CENPI: variants seen among roughly 807,000 people sequenced by gnomAD.
CENPI encodes centromere protein I.
In CENPI, 4 loss-of-function variants were observed where a neutral mutation model predicts 60.4. The observed-to-expected ratio is 0.07, with a 90% confidence interval of 0.03 to 0.15. CENPI has a LOEUF of 0.15. Among genes scored for constraint, CENPI ranks in the 10% least tolerant of loss-of-function variants. The pLI, the probability that CENPI is intolerant of heterozygous loss-of-function variation, is 1.00. For synonymous variants in CENPI, 157 were observed against 189.4 expected, an observed-to-expected ratio of 0.83 and a Z score of 1.40; for missense variants, 444 against 534.5, an observed-to-expected ratio of 0.83 and a Z score of 1.67.
intron 4 of CENPI, among the ~76,000 whole-genome samples, chrX:101,107,060 C>CAAA (rs777807842): frequency 3.2e-5 from 2 of 62,137 alleles, no homozygotes; most frequent in East Asian, 5.4e-4. Flanking sequence ...GACCCTGTCT[C>CAAA]AAAAAAAAAA....
At chrX:101,101,463 CA>C (rs1376048314) in intron 3 of CENPI, among the ~76,000 whole-genome samples, 167 bp downstream of exon 3, 3 of 111,530 alleles carry the variant, frequency 2.7e-5, no homozygotes, top group African/African-American at 9.8e-5. Flanking sequence ...GCACTAGGGA[CA>C]CAACAACAAA....
intron 2 of CENPI, chrX:101,099,976 A>G (rs2089395690): frequency 1.8e-5 from 2 of 109,184 alleles, no homozygotes; most frequent in Admixed American, 2.0e-4. Flanking sequence ...TTAAGTAGAG[A>G]CATTGTCTCA....
Position 101,109,532 on chromosome X carries a change from G to A in CENPI, c.424G>A (p.Asp142Asn). The A allele has an allele frequency of 1.7e-6, 2 of 1,210,976 alleles. No individual in the cohort carries two copies. The highest frequency in any genetic ancestry group is 2.2e-6 in the Non-Finnish European group (2 of 894,590). Residue 142 changes from aspartate to asparagine, a missense_variant, in exon 5 of 22, where the codon GAT becomes AAT. By Grantham distance (23) the Asp-to-Asn change is conservative. Transcript: ENST00000682095. The part of the protein sequence containing the change: ...CMIPATVISE[D>N]SVVKAVSWLC... ...GATCCCAGCAACAGTAATATCAGAAGATTCTGTGGTTAAGGCAGTCTCCTG... is the reference window on the plus strand; with the variant it reads ...GATCCCAGCAACAGTAATATCAGAAAATTCTGTGGTTAAGGCAGTCTCCTG...
chrX:101,111,018 C>G (rs1455482303), intron 6 of CENPI, among the ~76,000 whole-genome samples: 1 of 111,237 alleles, frequency 9.0e-6, no homozygotes, highest in African/African-American at 3.3e-5. Context: ...ATAGACCAGC[C>G]TGACCTAATT....
intron 8 of CENPI, among the ~76,000 whole-genome samples, chrX:101,122,645 A>C (rs1013742989): frequency 1.3e-4 from 14 of 111,176 alleles, no homozygotes; most frequent in African/African-American, 4.6e-4. Flanking sequence ...TGGGAGGCCG[A>C]GGCGGGCAGA....
chrX:101,125,371 T>G (rs2089723969), intron 8 of CENPI, among the ~76,000 whole-genome samples: 1 of 111,867 alleles, frequency 8.9e-6, no homozygotes, highest in Non-Finnish European at 1.9e-5. Context: ...TTTGAACTTG[T>G]GCTTTGCTTT....
At chrX:101,120,027 G>C (rs780306966) in intron 6 of CENPI, among the ~76,000 whole-genome samples, 20 of 111,238 alleles carry the variant, frequency 1.8e-4, no homozygotes, top group African/African-American at 5.2e-4. Context: ...ATATTGAAAG[G>C]AATAACAAAA....
chrX:101,137,721 T>C (rs2089861230), intron 15 of CENPI, among the ~76,000 whole-genome samples: 1 of 108,847 alleles, frequency 9.2e-6, no homozygotes, highest in African/African-American at 3.3e-5. Flanking sequence ...TAAGATTTTC[T>C]GGTTCCCTTC....
chrX:101,154,692 A>G (rs1293055844), intron 20 of CENPI, among the ~76,000 whole-genome samples: 6 of 112,125 alleles, frequency 5.4e-5, no homozygotes, highest in African/African-American at 1.6e-4. Flanking sequence ...AAGTCTTCCA[A>G]TGCATGAACA....
Position 101,127,159 on chromosome X carries a change from A to C in CENPI, c.799A>C (p.Asn267His). The change falls in exon 10 of 22, where the codon AAT (asparagine) becomes CAT (histidine). Residue 267 changes from asparagine to histidine, a missense_variant. Asn to His is a moderately conservative substitution (Grantham distance 68, BLOSUM62 1). Transcript: ENST00000682095. ...ATAGATATATTTTAAGAATTCAGAG[A>C]ATCTATGGAAGACGGCTCTGCTTGC... The part of the protein sequence containing the change: ...RKKIYFKNSE[N>H]LWKTALLAVK... 3 of 1,177,574 alleles carry C rather than the reference A, an allele frequency of 2.5e-6. No individual in the cohort carries two copies. The highest frequency in any genetic ancestry group is 3.4e-6 in the Non-Finnish European group (3 of 879,430).
intron 6 of CENPI, among the ~76,000 whole-genome samples, chrX:101,114,189 G>A (rs1451303487): frequency 2.7e-5 from 3 of 111,845 alleles, no homozygotes; most frequent in Non-Finnish European, 5.6e-5. Flanking sequence ...CTGGAGAGGC[G>A]GAGATTGCAG....
chrX:101,139,315 G>A (rs753708862), intron 15 of CENPI, among the ~76,000 whole-genome samples: 2 of 107,200 alleles, frequency 1.9e-5, no homozygotes, highest in South Asian at 4.1e-4. Flanking sequence ...GGCTGATCTC[G>A]AACTCCTGAC....
chrX:101,121,917 C>T (rs1293295496), intron 8 of CENPI, among the ~76,000 whole-genome samples: 7 of 106,729 alleles, frequency 6.6e-5, no homozygotes, highest in Non-Finnish European at 1.2e-4. Flanking sequence ...ATTCTCCTGC[C>T]TCAGCCTCCC....
intron 15 of CENPI, among the ~76,000 whole-genome samples, chrX:101,136,650 T>C (rs762157923): frequency 3.9e-4 from 44 of 111,932 alleles, no homozygotes; most frequent in Middle Eastern, 4.6e-3. Context: ...AAACAACTTA[T>C]TTTCACCGAA....
At chrX:101,109,696 T>A in intron 5 of CENPI, 105 bp downstream of exon 5, 1 of 631,137 alleles carries the variant, frequency 1.6e-6, no homozygotes, top group Admixed American at 2.9e-5. Context: ...GTGCAAAGCC[T>A]GTAGTTTTGG....
At chrX:101,107,349 A>AT (rs78907384) in intron 4 of CENPI, among the ~76,000 whole-genome samples, 26,326 of 107,826 alleles carry the variant, frequency 0.24, 2,502 homozygotes, top group South Asian at 0.3. Context: ...CATAAAATTC[A>AT]TTTTTTTTCT....
chrX:101,129,205 T>C (rs751968979), intron 12 of CENPI, among the ~76,000 whole-genome samples: 33 of 111,641 alleles, frequency 3.0e-4, no homozygotes, highest in African/African-American at 1.0e-3. Flanking sequence ...TATTATAAAA[T>C]TAATTATTTC....
downstream of CENPI, among the ~76,000 whole-genome samples, chrX:101,166,518 T>C (rs961888947): frequency 1.4e-4 from 16 of 112,900 alleles, no homozygotes; most frequent in African/African-American, 5.1e-4. Flanking sequence ...TGTAGTTATC[T>C]GAAAACATAT....
At chrX:101,123,994 G>A (rs2089706592) in intron 8 of CENPI, among the ~76,000 whole-genome samples, 1 of 110,813 alleles carries the variant, frequency 9.0e-6, no homozygotes, top group South Asian at 3.8e-4. Context: ...TTGATGTTTT[G>A]TTGAGGATCC....
Sources: allele counts gnomAD v4.1 joint callset (sites outside exome capture counted in the v4.1 genomes callset), GRCh38; gene constraint gnomAD v4.1.1; transcripts MANE v1.5; gene names NCBI Gene and HGNC (gene_info 2026-07-23, HGNC 2026-07-21).